The following KIAA0825 variants were observed in gnomAD, a reference collection of about 807,000 sequenced individuals.
KIAA0825 encodes the protein uncharacterized protein KIAA0825.
Under a neutral mutation model 147.6 loss-of-function variants are expected in KIAA0825, and 119 were observed. The ratio of observed to expected loss-of-function variants is 0.81; its 90% CI spans 0.69 to 0.94. The LOEUF is 0.94. Ranked by LOEUF, KIAA0825 falls within the 40% of genes least tolerant of loss-of-function variation. The pLI is 0.00. For missense variants in KIAA0825, 1,381 were observed against 1,472.7 expected (o/e 0.94, Z 1.02); for synonymous variants, 470 against 518.1 (o/e 0.91, Z 1.26).
intron 20 of KIAA0825, among the ~76,000 whole-genome samples, chr5:94,380,982 A>C (rs1465620515): frequency 2.0e-5 from 3 of 152,212 alleles, no homozygotes; most frequent in Non-Finnish European, 4.4e-5. Context: ...GTGGCCCCAC[A>C]GATCTCCTCT....
At chr5:94,244,696 A>G (rs1775515720) in intron 20 of KIAA0825, among the ~76,000 whole-genome samples, 1 of 152,172 alleles carries the variant, frequency 6.6e-6, no homozygotes, top group Non-Finnish European at 1.5e-5. Context: ...ATCAATACCT[A>G]GCTCACAGAG....
chr5:94,267,207 G>C (rs914819047), intron 20 of KIAA0825, among the ~76,000 whole-genome samples: 1 of 152,170 alleles, frequency 6.6e-6, no homozygotes, highest in Non-Finnish European at 1.5e-5. Context: ...ACAAAAGGAA[G>C]CAATAGAGAA....
intron 20 of KIAA0825, among the ~76,000 whole-genome samples, chr5:94,381,369 A>G (rs960562034): frequency 7.9e-5 from 12 of 152,164 alleles, no homozygotes; most frequent in African/African-American, 2.9e-4. Flanking sequence ...GATAGAAAAT[A>G]TTTGGGAAAA....
intron 18 of KIAA0825, among the ~76,000 whole-genome samples, chr5:94,388,355 T>C (rs1749457392): frequency 6.6e-6 from 1 of 152,160 alleles, no homozygotes; most frequent in African/African-American, 2.4e-5. Flanking sequence ...TGGGGACCCC[T>C]GTTGTAGAGC....
chr5:94,368,830 T>C (rs1409605713), intron 20 of KIAA0825, among the ~76,000 whole-genome samples: 2 of 152,138 alleles, frequency 1.3e-5, no homozygotes, highest in Non-Finnish European at 2.9e-5. Flanking sequence ...TGAAGATAAT[T>C]ATGATGGTTG....
At chr5:94,517,207 C>G (rs1307696381) in intron 5 of KIAA0825, among the ~76,000 whole-genome samples, 1 of 152,166 alleles carries the variant, frequency 6.6e-6, no homozygotes, top group Non-Finnish European at 1.5e-5. Context: ...AGCTAATATA[C>G]CAAATAATTG....
chr5:94,377,643 T>C (rs1747773553), intron 20 of KIAA0825, among the ~76,000 whole-genome samples: 1 of 152,134 alleles, frequency 6.6e-6, no homozygotes, highest in South Asian at 2.1e-4. Flanking sequence ...GTACTTATTC[T>C]TAGATAGCAT....
chr5:94,431,749 G>C (rs953445234), intron 14 of KIAA0825, among the ~76,000 whole-genome samples: 2 of 152,220 alleles, frequency 1.3e-5, no homozygotes, highest in Non-Finnish European at 2.9e-5. Flanking sequence ...TGGTATTAGA[G>C]CAGCTGCCCC....
chr5:94,524,675 A>G (rs1562593280), intron 3 of KIAA0825, among the ~76,000 whole-genome samples: 1 of 151,794 alleles, frequency 6.6e-6, no homozygotes, highest in Non-Finnish European at 1.5e-5. Flanking sequence ...TGCATTTAAA[A>G]AACGACTGGA....
intron 20 of KIAA0825, among the ~76,000 whole-genome samples, chr5:94,311,038 T>C (rs553803570): frequency 4.6e-5 from 7 of 151,634 alleles, no homozygotes; most frequent in Non-Finnish European, 1.0e-4. Context: ...TGTAAAATTG[T>C]AGAAAAATTG....
At chr5:94,496,796 A>ATTT (rs1188080889) in intron 5 of KIAA0825, among the ~76,000 whole-genome samples, 1 of 152,170 alleles carries the variant, frequency 6.6e-6, no homozygotes, top group African/African-American at 2.4e-5. Flanking sequence ...ATTTTGGGTT[A>ATTT]AATGGAGGTT....
chr5:94,209,717 AT>A (rs1368738626), intron 20 of KIAA0825, among the ~76,000 whole-genome samples: 1 of 152,018 alleles, frequency 6.6e-6, no homozygotes, highest in Non-Finnish European at 1.5e-5. Flanking sequence ...CACATACTTG[AT>A]TTTTTTGACA....
At chr5:94,569,237 C>G (rs183046000) in intron 2 of KIAA0825, 1 of 242,958 alleles carries the variant, frequency 4.1e-6, no homozygotes, top group East Asian at 7.8e-5. Context: ...TCAGGATACT[C>G]CTCAATAGCT....
At chr5:94,227,010 C>G (rs1439164727) in intron 20 of KIAA0825, among the ~76,000 whole-genome samples, 2 of 152,090 alleles carry the variant, frequency 1.3e-5, no homozygotes, top group Non-Finnish European at 2.9e-5. Context: ...GGATCCAGAA[C>G]TAGAAATACC....
intron 20 of KIAA0825, among the ~76,000 whole-genome samples, chr5:94,378,560 T>C (rs925541770): frequency 6.6e-6 from 1 of 152,230 alleles, no homozygotes; most frequent in African/African-American, 2.4e-5. Flanking sequence ...AGTGCTGCAA[T>C]GAAGATACAC....
chr5:94,391,096 T>G (rs1749832478), intron 18 of KIAA0825, among the ~76,000 whole-genome samples: 1 of 152,204 alleles, frequency 6.6e-6, no homozygotes, highest in Admixed American at 6.5e-5. Flanking sequence ...CCGAATATGG[T>G]TCAATACTCT....
At position 94,524,024 on chromosome 5, in the gene KIAA0825, G is replaced by A. The variant is rs747410892; in HGVS notation, c.206C>T (p.Thr69Ile). Residue 69 changes from threonine (T) to isoleucine (I), a missense_variant, in exon 4 of 21, where the codon ACT (threonine) becomes ATT (isoleucine). Physicochemically the swap from Thr to Ile is moderately conservative, Grantham distance 89. Coordinates refer to ENST00000682413, the MANE Select transcript of KIAA0825 (RefSeq NM_001145678.3). ...QCPGVQLQTTTDCFEWLTNYN... is the reference protein window; with the variant it reads ...QCPGVQLQTTIDCFEWLTNYN... The stretch of plus-strand genomic sequence containing the variant: ...GTTAGTTAGCCATTCAAAGCAGTCA[G>A]TTGTTGTTTGCAGCTGCACACCTGG... 1.2e-6 allele frequency: 2 copies of A among 1,609,954 alleles called. No homozygotes were observed. The highest frequency in any genetic ancestry group is 1.7e-6 in the Non-Finnish European group (2 of 1,177,188).
intron 13 of KIAA0825, among the ~76,000 whole-genome samples, chr5:94,445,837 T>C (rs564194348): frequency 6.6e-6 from 1 of 152,346 alleles, no homozygotes; most frequent in African/African-American, 2.4e-5. Context: ...TTCATACTGC[T>C]TGTCCATCCA....
intron 20 of KIAA0825, among the ~76,000 whole-genome samples, chr5:94,242,770 T>C (rs55762569): frequency 0.18 from 26,903 of 151,804 alleles, 2,756 homozygotes; most frequent in East Asian, 0.39. Context: ...GGATTACAGG[T>C]GCCTGCCACC....
Sources: gnomAD v4.1 joint callset for allele counts (sites outside exome capture counted in the v4.1 genomes callset) on GRCh38, gnomAD v4.1.1 for gene constraint, MANE v1.5 for transcripts, NCBI Gene and HGNC (gene_info 2026-07-23, HGNC 2026-07-21) for gene names.